NTM: variants seen among roughly 807,000 people sequenced by gnomAD.
NTM encodes neurotrimin, also known as IgLON family member 2.
A neutral mutation model predicts 42.1 loss-of-function variants in NTM; 13 were observed. The observed-to-expected ratio is 0.31, with a 90% confidence interval of 0.20 to 0.49. NTM has a LOEUF of 0.49. Ranked by LOEUF, NTM falls within the 20% of genes least tolerant of loss-of-function variation. NTM has a pLI of 0.99. For synonymous variants in NTM, 187 were observed against 179.2 expected (o/e 1.04, Z -0.35); for missense variants, 373 against 452.8 (o/e 0.82, Z 1.60).
At chr11:131,864,271 G>A (rs940307034) in intron 1 of NTM, among the ~76,000 whole-genome samples, 2 of 152,224 alleles carry the variant, frequency 1.3e-5, no homozygotes, top group Non-Finnish European at 2.9e-5. Flanking sequence ...CCATCAGGAA[G>A]GAAAGAGTGT....
At chr11:131,672,724 C>T (rs548373003) in intron 1 of NTM, among the ~76,000 whole-genome samples, 2 of 152,140 alleles carry the variant, frequency 1.3e-5, no homozygotes, top group Non-Finnish European at 2.9e-5. Context: ...ATAGTAGGGC[C>T]TCTGTGGAGG....
At chr11:132,081,459 A>C (rs11222907) in intron 2 of NTM, among the ~76,000 whole-genome samples, 1 of 151,988 alleles carries the variant, frequency 6.6e-6, no homozygotes, top group Non-Finnish European at 1.5e-5. Context: ...TTGGCCAGGC[A>C]CGGTGGCTCG....
intron 1 of NTM, among the ~76,000 whole-genome samples, chr11:131,442,431 A>C (rs145543095): frequency 6.6e-6 from 1 of 152,076 alleles, no homozygotes; most frequent in Admixed American, 6.5e-5. Flanking sequence ...TTTTTATTTT[A>C]TTTTAGATTG....
intron 1 of NTM, among the ~76,000 whole-genome samples, chr11:131,843,944 T>C (rs1334260814): frequency 2.0e-5 from 3 of 152,132 alleles, no homozygotes; most frequent in Non-Finnish European, 4.4e-5. Context: ...GCATTGCAGT[T>C]GCAAATTTTT....
chr11:131,926,794 C>T (rs980743225), intron 2 of NTM, among the ~76,000 whole-genome samples: 1 of 152,076 alleles, frequency 6.6e-6, no homozygotes, highest in Non-Finnish European at 1.5e-5. Flanking sequence ...GATGTGTCAC[C>T]CCTGCAGCAC....
intron 2 of NTM, among the ~76,000 whole-genome samples, chr11:132,037,369 C>T (rs2076635759): frequency 6.6e-6 from 1 of 152,164 alleles, no homozygotes; most frequent in Non-Finnish European, 1.5e-5. Flanking sequence ...TCTTGTGCTG[C>T]CTGCAGTACC....
chr11:131,481,357 G>A (rs562396166), intron 1 of NTM, among the ~76,000 whole-genome samples: 1 of 152,350 alleles, frequency 6.6e-6, no homozygotes, highest in East Asian at 1.9e-4. Context: ...TTGTGTCTCT[G>A]GCTGTGCTCA....
chr11:131,447,386 C>T (rs1252588006), intron 1 of NTM, among the ~76,000 whole-genome samples: 1 of 152,162 alleles, frequency 6.6e-6, no homozygotes, highest in Non-Finnish European at 1.5e-5. Context: ...CCCACTTGGG[C>T]CCTGATGAAT....
chr11:132,212,880 G>A (rs1021526062), intron 4 of NTM, among the ~76,000 whole-genome samples: 3 of 152,004 alleles, frequency 2.0e-5, no homozygotes, highest in Non-Finnish European at 2.9e-5. Flanking sequence ...CTCTCTTCTA[G>A]GCACTGGGGG....
rs943106284 is a variant in NTM, at chr11:131,672,029, C to T, written c.83-239535C>T. ...TGGCCAGGGGCCCGCAGCGTGCCCTCGCTGTGTTCCTCTCCACGTGCACAT... is the reference window on the plus strand; with the variant it reads ...TGGCCAGGGGCCCGCAGCGTGCCCTTGCTGTGTTCCTCTCCACGTGCACAT... On this transcript the variant is annotated intron_variant, in intron 1 of 8. Coordinates refer to ENST00000683400, the MANE Select transcript of NTM (RefSeq NM_001352005.2). Among the ~76,000 whole-genome samples, 20 of 152,330 alleles carry T rather than the reference C, an allele frequency of 1.3e-4. No homozygotes were observed. In the East Asian group the frequency reaches 3.5e-3, roughly 27 times the overall value.
chr11:131,846,219 C>T (rs1403774984), intron 1 of NTM, among the ~76,000 whole-genome samples: 1 of 152,044 alleles, frequency 6.6e-6, no homozygotes, highest in Non-Finnish European at 1.5e-5. Context: ...TGTTGTATCC[C>T]TATTATTGCT....
intron 2 of NTM, among the ~76,000 whole-genome samples, chr11:131,965,343 G>C (rs1290492063): frequency 6.6e-6 from 1 of 152,122 alleles, no homozygotes; most frequent in East Asian, 1.9e-4. Context: ...CTGGAAAGCA[G>C]ACAAGGAAAT....
intron 1 of NTM, among the ~76,000 whole-genome samples, chr11:131,881,334 G>T (rs1276034433): frequency 6.6e-6 from 1 of 152,160 alleles, no homozygotes; most frequent in East Asian, 1.9e-4. Context: ...AGTAGTGAAA[G>T]GTACATGGAT....
Position 132,049,778 on chromosome 11 carries a change from C to T in NTM, c.168-96504C>T, listed in dbSNP as rs111981789. ...GGGGAAAAGACAAAGCAAGGAGGGA[C>T]ATTTCAGTCTAGCTCAGTCATGAGG... On this transcript the variant is annotated intron_variant, in intron 2 of 8. Transcript: ENST00000683400. Among the ~76,000 whole-genome samples, 663 of 152,228 alleles carry T rather than the reference C, an allele frequency of 4.4e-3. 4 individuals are homozygous for T. The highest frequency in any genetic ancestry group is 0.015 in the African/African-American group (633 of 41,530).
At chr11:131,661,047 A>T (rs1265898288) in intron 1 of NTM, 2 of 1,303,702 alleles carry the variant, frequency 1.5e-6, no homozygotes, top group South Asian at 2.5e-5. Flanking sequence ...GGAAGGGCAC[A>T]GGTAGGTGCA....
Position 131,911,000 on chromosome 11 carries a change from C to T in NTM, c.83-564C>T, listed in dbSNP as rs114071488. 4,305 of 999,674 alleles carry T rather than the reference C, an allele frequency of 4.3e-3. 146 individuals are homozygous for T. The African/African-American group carries it at 0.065, about 15-fold the overall frequency. 61.9% of individuals were successfully genotyped at this position (999,674 alleles called of 1,614,324 possible). On this transcript the variant is annotated intron_variant, in intron 1 of 8. Coordinates refer to ENST00000683400, the MANE Select transcript of NTM (RefSeq NM_001352005.2). Reference sequence around the variant, plus strand: ...TGTTTTCCGGTGGCGAGCCCGGCTCCGAAACTTACAAAGTGTTGGATGTCC... The same window carrying T: ...TGTTTTCCGGTGGCGAGCCCGGCTCTGAAACTTACAAAGTGTTGGATGTCC...
At chr11:132,058,319 A>C (rs771640007) in intron 2 of NTM, among the ~76,000 whole-genome samples, 1 of 152,102 alleles carries the variant, frequency 6.6e-6, no homozygotes. Flanking sequence ...GGAATGTGCT[A>C]TGGGGCAGTG....
intron 1 of NTM, among the ~76,000 whole-genome samples, chr11:131,781,231 C>A (rs1312219025): frequency 6.6e-6 from 1 of 151,482 alleles, no homozygotes; most frequent in Non-Finnish European, 1.5e-5. Flanking sequence ...ATGCAGAGAA[C>A]ACATTTGAGA....
chr11:131,656,131 G>A (rs146982089), intron 1 of NTM, among the ~76,000 whole-genome samples: 227 of 152,322 alleles, frequency 1.5e-3, no homozygotes, highest in African/African-American at 5.2e-3. Flanking sequence ...CAGACCTCAC[G>A]CTCTAGGGCA....
Sources: allele counts gnomAD v4.1 joint callset (sites outside exome capture counted in the v4.1 genomes callset), GRCh38; gene constraint gnomAD v4.1.1; transcripts MANE v1.5; gene names NCBI Gene and HGNC (gene_info 2026-07-23, HGNC 2026-07-21).